The following CSMD1 variants were observed in gnomAD, a reference collection of about 807,000 sequenced individuals.
CSMD1 encodes the protein CUB and sushi domain-containing protein 1.
In CSMD1, 213 loss-of-function variants were observed where a neutral mutation model predicts 417.5. The ratio of observed to expected loss-of-function variants is 0.51; its 90% confidence interval spans 0.46 to 0.57. The LOEUF is 0.57. Ranked by LOEUF, CSMD1 falls within the 20% of genes least tolerant of loss-of-function variation. CSMD1 has a pLI of 0.00. For missense variants in CSMD1, 6,923 were observed against 4,529.7 expected (o/e 1.53, Z -15.17); for synonymous variants, 2,862 against 1,736.8 (o/e 1.65, Z -16.11).
intron 23 of CSMD1, among the ~76,000 whole-genome samples, chr8:3,331,910 G>C (rs1054704968): frequency 6.6e-6 from 1 of 152,140 alleles, no homozygotes; most frequent in African/African-American, 2.4e-5. Context: ...AAATTCAGAA[G>C]ATCATTGTTG....
intron 1 of CSMD1, among the ~76,000 whole-genome samples, chr8:4,901,323 A>G (rs1005825889): frequency 3.3e-5 from 5 of 152,226 alleles, no homozygotes; most frequent in Non-Finnish European, 7.3e-5. Flanking sequence ...TCATCTGAAC[A>G]CAAAATTTCA....
intron 40 of CSMD1, among the ~76,000 whole-genome samples, chr8:3,146,994 T>C (rs939683981): frequency 1.3e-5 from 2 of 152,132 alleles, no homozygotes; most frequent in African/African-American, 4.8e-5. Context: ...AAACATCCCA[T>C]ATATTTTTCT....
intron 4 of CSMD1, among the ~76,000 whole-genome samples, chr8:4,010,693 T>G (rs1236732915): frequency 6.6e-6 from 1 of 152,160 alleles, no homozygotes; most frequent in Non-Finnish European, 1.5e-5. Flanking sequence ...TGCCTCCCCT[T>G]CACTTTCTTT....
chr8:3,854,903 G>A (rs572516974), intron 5 of CSMD1, among the ~76,000 whole-genome samples: 4 of 152,090 alleles, frequency 2.6e-5, no homozygotes, highest in Admixed American at 6.5e-5. Context: ...CAATTCACTC[G>A]CAAAGCATTT....
intron 17 of CSMD1, 150 bp from the exon 18 acceptor site, chr8:3,387,832 C>G (rs891410865): frequency 1.4e-5 from 9 of 626,158 alleles, no homozygotes; most frequent in South Asian, 6.8e-5. Context: ...GACATAAAAG[C>G]CAATGCATCT....
At chr8:3,201,823 T>A (rs1797007516) in intron 31 of CSMD1, 98 bp from the exon 32 acceptor site, 2 of 518,302 alleles carry the variant, frequency 3.9e-6, no homozygotes, top group African/African-American at 4.4e-5. Context: ...CCCCAATGGA[T>A]CATTATCCTA....
intron 7 of CSMD1, among the ~76,000 whole-genome samples, chr8:3,653,918 T>A (rs561415876): frequency 5.3e-5 from 8 of 152,226 alleles, no homozygotes; most frequent in African/African-American, 1.9e-4. Flanking sequence ...CACTTGCTCT[T>A]GTGTCTGAAA....
At chr8:3,248,288 G>C (rs1585787796) in intron 26 of CSMD1, among the ~76,000 whole-genome samples, 1 of 144,912 alleles carries the variant, frequency 6.9e-6, no homozygotes, top group Non-Finnish European at 1.5e-5. Flanking sequence ...GCCTTATCCA[G>C]GACAGTACTG....
At chr8:3,020,710 G>T (rs1809294131) in intron 51 of CSMD1, among the ~76,000 whole-genome samples, 1 of 152,060 alleles carries the variant, frequency 6.6e-6, no homozygotes, top group Non-Finnish European at 1.5e-5. Context: ...TATCTCAAAT[G>T]TTCAGACAGA....
At chr8:3,861,176 C>G (rs934601838) in intron 5 of CSMD1, among the ~76,000 whole-genome samples, 1 of 152,160 alleles carries the variant, frequency 6.6e-6, no homozygotes, top group African/African-American at 2.4e-5. Context: ...TTCATGACTC[C>G]TCACCTGTTT....
At chr8:4,668,127 T>A (rs908288424) in intron 1 of CSMD1, among the ~76,000 whole-genome samples, 10 of 152,202 alleles carry the variant, frequency 6.6e-5, no homozygotes, top group Non-Finnish European at 1.3e-4. Flanking sequence ...TTGCCTCGTA[T>A]CAAACTCAAT....
intron 23 of CSMD1, among the ~76,000 whole-genome samples, chr8:3,325,929 G>A (rs1806498806): frequency 6.6e-6 from 1 of 152,186 alleles, no homozygotes; most frequent in Admixed American, 6.5e-5. Flanking sequence ...AATTCATTAT[G>A]CAAATAAGAA....
At chr8:3,044,229 A>G (rs1811292066) in intron 50 of CSMD1, among the ~76,000 whole-genome samples, 1 of 152,236 alleles carries the variant, frequency 6.6e-6, no homozygotes, top group African/African-American at 2.4e-5. Flanking sequence ...TGAAGCTGAC[A>G]CTACTGATGT....
chr8:4,731,294 G>C (rs1809849676), intron 1 of CSMD1, among the ~76,000 whole-genome samples: 1 of 152,084 alleles, frequency 6.6e-6, no homozygotes, highest in Non-Finnish European at 1.5e-5. Context: ...TTCCTCATGG[G>C]ATCCGTCTTT....
intron 2 of CSMD1, among the ~76,000 whole-genome samples, chr8:4,586,457 G>C (rs1358574586): frequency 6.6e-6 from 1 of 152,130 alleles, no homozygotes; most frequent in East Asian, 1.9e-4. Flanking sequence ...ATTCATAACT[G>C]TGATATTTAC....
chr8:3,487,972 C>T (rs1374154670), intron 11 of CSMD1, among the ~76,000 whole-genome samples: 1 of 151,584 alleles, frequency 6.6e-6, no homozygotes, highest in Non-Finnish European at 1.5e-5. Flanking sequence ...GAGTAATTTA[C>T]TTTCCAGACA....
chr8:3,013,377 A>T (rs4876060), intron 52 of CSMD1, among the ~76,000 whole-genome samples: 10,532 of 152,230 alleles, frequency 0.069, 446 homozygotes, highest in African/African-American at 0.12. Context: ...AGTTTCTTCC[A>T]TCTTTCACCT....
At chr8:4,277,695 A>C (rs369664941) in intron 3 of CSMD1, among the ~76,000 whole-genome samples, 1 of 152,160 alleles carries the variant, frequency 6.6e-6, no homozygotes, top group African/African-American at 2.4e-5. Context: ...AGAATTTAAG[A>C]AACTCCTTAA....
chr8:3,986,331 T>C (rs1814318428), intron 5 of CSMD1, among the ~76,000 whole-genome samples: 1 of 152,174 alleles, frequency 6.6e-6, no homozygotes, highest in Admixed American at 6.5e-5. Context: ...TTCTAGGGTG[T>C]TCATTGAAAT....
Sources: allele counts gnomAD v4.1 joint callset (sites outside exome capture counted in the v4.1 genomes callset), GRCh38; gene constraint gnomAD v4.1.1; transcripts MANE v1.5; gene names NCBI Gene and HGNC (gene_info 2026-07-23, HGNC 2026-07-21).